GABRB1: variants seen among roughly 807,000 people sequenced by gnomAD.
GABRB1 encodes the protein gamma-aminobutyric acid receptor subunit beta-1.
A neutral mutation model predicts 51.6 loss-of-function variants in GABRB1; 17 were observed. The observed-to-expected ratio is 0.33, with a 90% CI of 0.23 to 0.49. The LOEUF (loss-of-function observed/expected upper bound fraction) is 0.49, where lower values mean the gene tolerates loss of function less well. Among genes scored for constraint, GABRB1 ranks in the 20% least tolerant of loss-of-function variants. GABRB1 has a pLI of 0.99. For synonymous variants in GABRB1, 247 were observed against 218.9 expected, an observed-to-expected ratio of 1.13 and a Z score of -1.14; for missense variants, 410 against 600.6, an observed-to-expected ratio of 0.68 and a Z score of 3.32.
chr4:47,396,834 T>A (rs1277087843), intron 5 of GABRB1, among the ~76,000 whole-genome samples: 2 of 152,210 alleles, frequency 1.3e-5, no homozygotes. Context: ...CAAAATATGT[T>A]ATCACTTTGT....
chr4:47,103,659 C>A (rs1714819610), intron 3 of GABRB1, among the ~76,000 whole-genome samples: 1 of 151,642 alleles, frequency 6.6e-6, no homozygotes, highest in African/African-American at 2.4e-5. Flanking sequence ...TAATCAATGC[C>A]TAAGATAAAA....
chr4:47,380,426 G>A (rs1326976616), intron 5 of GABRB1, among the ~76,000 whole-genome samples: 3 of 152,128 alleles, frequency 2.0e-5, no homozygotes, highest in Non-Finnish European at 2.9e-5. Context: ...ATGAAAATCA[G>A]TAGCCAGAAG....
At chr4:47,155,915 T>TTATATATATATATATATATA (rs1577958436) in intron 3 of GABRB1, among the ~76,000 whole-genome samples, 3 of 28,446 alleles carry the variant, frequency 1.1e-4, no homozygotes, top group Non-Finnish European at 2.1e-4. Flanking sequence ...AGAGGTATTT[T>TTATATATATATATATATATA]CATATATATA....
intron 3 of GABRB1, among the ~76,000 whole-genome samples, chr4:47,122,940 T>C (rs956564053): frequency 6.6e-6 from 1 of 152,088 alleles, no homozygotes; most frequent in Admixed American, 6.6e-5. Flanking sequence ...TAGCCCTAAC[T>C]CAGCACGTAT....
chr4:47,024,516 T>C (rs747872689), intron 1 of GABRB1, among the ~76,000 whole-genome samples: 3 of 151,992 alleles, frequency 2.0e-5, no homozygotes, highest in Non-Finnish European at 2.9e-5. Context: ...TATTTGTTGT[T>C]TAAAATGCTG....
At chr4:47,267,572 AT>A (rs1722687845) in intron 4 of GABRB1, among the ~76,000 whole-genome samples, 1 of 152,170 alleles carries the variant, frequency 6.6e-6, no homozygotes, top group South Asian at 2.1e-4. Context: ...AGGCAGGCGG[AT>A]CACCTGCGGT....
chr4:47,314,927 A>G (rs1372127081), intron 4 of GABRB1, among the ~76,000 whole-genome samples: 2 of 152,074 alleles, frequency 1.3e-5, no homozygotes, highest in Admixed American at 6.6e-5. Flanking sequence ...AAACTTTGGA[A>G]GACAACCTCA....
At chr4:47,314,246 G>A (rs10025613) in intron 4 of GABRB1, among the ~76,000 whole-genome samples, 147,405 of 152,030 alleles carry the variant, frequency 0.97, 71,559 homozygotes, top group East Asian at 1. Context: ...GAATAGATTG[G>A]TCATAATGGC....
chr4:47,293,780 C>T (rs1175360586), intron 4 of GABRB1, among the ~76,000 whole-genome samples: 1 of 152,032 alleles, frequency 6.6e-6, no homozygotes, highest in Non-Finnish European at 1.5e-5. Context: ...TCTATTGCTC[C>T]TAAAATAGTC....
chr4:47,275,566 T>G (rs764974662), intron 4 of GABRB1, among the ~76,000 whole-genome samples: 2 of 152,150 alleles, frequency 1.3e-5, no homozygotes, highest in Non-Finnish European at 2.9e-5. Context: ...AAAGAGTATA[T>G]CTTATCTTCT....
chr4:47,042,475 T>C (rs1450262193), intron 3 of GABRB1, among the ~76,000 whole-genome samples: 2 of 147,004 alleles, frequency 1.4e-5, no homozygotes, highest in Non-Finnish European at 3.0e-5. Flanking sequence ...AGTATATATA[T>C]ACAAATATAT....
intron 4 of GABRB1, among the ~76,000 whole-genome samples, chr4:47,256,745 C>T (rs1056144077): frequency 6.6e-6 from 1 of 152,116 alleles, no homozygotes; most frequent in African/African-American, 2.4e-5. Context: ...TGACAACTCA[C>T]TCACTGTCAG....
At chr4:47,196,088 T>C (rs1474100726) in intron 4 of GABRB1, among the ~76,000 whole-genome samples, 2 of 152,216 alleles carry the variant, frequency 1.3e-5, no homozygotes, top group Non-Finnish European at 2.9e-5. Flanking sequence ...CACCAAATAG[T>C]GTATCCTAAA....
chr4:47,383,994 CG>C (rs1727685489), intron 5 of GABRB1, among the ~76,000 whole-genome samples: 1 of 152,092 alleles, frequency 6.6e-6, no homozygotes, highest in African/African-American at 2.4e-5. Context: ...AGTATCATGT[CG>C]CTGCCTATGA....
At chr4:47,410,706 G>A (rs1728733524) in intron 8 of GABRB1, among the ~76,000 whole-genome samples, 1 of 152,126 alleles carries the variant, frequency 6.6e-6, no homozygotes, top group Non-Finnish European at 1.5e-5. Context: ...AGAAGCTGGG[G>A]GAAAGAAAAA....
chr4:47,299,770 G>A (rs1480353191), intron 4 of GABRB1, among the ~76,000 whole-genome samples: 1 of 152,060 alleles, frequency 6.6e-6, no homozygotes, highest in Admixed American at 6.6e-5. Context: ...AAATCATGCT[G>A]TTATAAAGAC....
chr4:47,375,362 A>G (rs1222050635), intron 5 of GABRB1, among the ~76,000 whole-genome samples: 1 of 152,232 alleles, frequency 6.6e-6, no homozygotes, highest in African/African-American at 2.4e-5. Context: ...ATGAATAAAA[A>G]TGAAGTAATA....
chr4:47,401,489 T>G (rs1243518076), intron 5 of GABRB1, among the ~76,000 whole-genome samples: 2 of 152,168 alleles, frequency 1.3e-5, no homozygotes, highest in African/African-American at 4.8e-5. Flanking sequence ...TTGATCTCAC[T>G]GTTCTAATCC....
chr4:47,390,684 T>C (rs984441240), intron 5 of GABRB1, among the ~76,000 whole-genome samples: 19 of 152,364 alleles, frequency 1.2e-4, no homozygotes, highest in Admixed American at 1.0e-3. Context: ...AGCTCTGAGA[T>C]ACTGTGTGAA....
Sources: gnomAD v4.1 joint callset for allele counts (sites outside exome capture counted in the v4.1 genomes callset) on GRCh38, gnomAD v4.1.1 for gene constraint, MANE v1.5 for transcripts, NCBI Gene and HGNC (gene_info 2026-07-23, HGNC 2026-07-21) for gene names.